Variants in PIK3C2A observed in about 807,000 individuals in gnomAD.
PIK3C2A encodes the protein phosphatidylinositol-4-phosphate 3-kinase catalytic subunit type 2 alpha, also known as phosphatidylinositol 4-phosphate 3-kinase C2 domain-containing subunit alpha.
Under a neutral mutation model 204.5 loss-of-function variants are expected in PIK3C2A, and 97 were observed. The ratio of observed to expected loss-of-function variants is 0.47; its 90% CI spans 0.40 to 0.56. The LOEUF (loss-of-function observed/expected upper bound fraction) is 0.56, where lower values mean the gene tolerates loss of function less well. PIK3C2A is among the 20% of genes least tolerant of loss of function. PIK3C2A has a pLI of 0.00. For synonymous variants in PIK3C2A, 653 were observed against 664.4 expected, an observed-to-expected ratio of 0.98 and a Z score of 0.26; for missense variants, 1,735 against 1,969.2, an observed-to-expected ratio of 0.88 and a Z score of 2.25.
At chr11:17,180,582 G>A (rs997888110) in intron 1 of PIK3C2A, among the ~76,000 whole-genome samples, 2 of 151,964 alleles carry the variant, frequency 1.3e-5, no homozygotes, top group Non-Finnish European at 2.9e-5. Context: ...AGCATTTTGG[G>A]AGACTGAGAC....
At position 17,087,537 on chromosome 11, in the gene PIK3C2A, A is replaced by G. The variant is rs538541926; in HGVS notation, c.*2201T>C. Reference sequence around the variant, plus strand: ...TAATGGAAGTGACAGGACATTTTTTAGCTCTATTATTTGTGCTAAAAGACA... The same window carrying G: ...TAATGGAAGTGACAGGACATTTTTTGGCTCTATTATTTGTGCTAAAAGACA... On this transcript the variant is annotated 3_prime_UTR_variant, in exon 33 of 33. Coordinates refer to ENST00000691414, the MANE Select transcript of PIK3C2A (RefSeq NM_002645.4). 6.6e-6 allele frequency: 1 copy of G among 152,326 alleles called. No individual in the cohort carries two copies. Among genetic ancestry groups the G allele is most frequent in the South Asian group, 2.1e-4 (1 of 4,834 alleles). The allele number at this position is 152,326 out of a possible 1,614,324, so 9.4% of individuals were successfully genotyped here. A position where few individuals can be genotyped will look rare whatever the true frequency, so the allele number is the denominator to read the frequency against.
chr11:17,161,429 C>T (rs1283516666), intron 2 of PIK3C2A, among the ~76,000 whole-genome samples: 2 of 152,076 alleles, frequency 1.3e-5, no homozygotes, highest in Non-Finnish European at 2.9e-5. Context: ...ATACAATTAA[C>T]TTTTAGAAAG....
At chr11:17,095,442 T>C (rs1206227348) in intron 27 of PIK3C2A, among the ~76,000 whole-genome samples, 2 of 141,530 alleles carry the variant, frequency 1.4e-5, no homozygotes, top group African/African-American at 5.3e-5. Context: ...ATACAAAAAA[T>C]GAGCCGGGCG....
intron 1 of PIK3C2A, among the ~76,000 whole-genome samples, chr11:17,201,544 GAAAAAAGAAAAAAAA>G (rs1852384858): frequency 3.2e-5 from 1 of 30,798 alleles, no homozygotes; most frequent in Non-Finnish European, 6.1e-5. Flanking sequence ...AAAAAAAAAA[GAAAAAAGAAAAAAAA>G]AAAGAAAAGC....
intron 2 of PIK3C2A, among the ~76,000 whole-genome samples, chr11:17,167,876 C>A (rs1234589956): frequency 6.6e-6 from 1 of 152,034 alleles, no homozygotes; most frequent in Non-Finnish European, 1.5e-5. Flanking sequence ...CTTTTATCGA[C>A]AAAAGTGTTT....
At chr11:17,095,234 C>T (rs372199238) in intron 27 of PIK3C2A, among the ~76,000 whole-genome samples, 130 of 152,120 alleles carry the variant, frequency 8.5e-4, no homozygotes, top group African/African-American at 3.0e-3. Context: ...TCACTGCACT[C>T]CAGCCAGGGT....
In PIK3C2A at chr11:17,129,332, G is replaced by A. The variant is rs1849623660; in HGVS notation, c.2367C>T (p.Gly789=). 6.2e-7 allele frequency: 1 copy of A among 1,613,808 alleles called. No individual in the cohort carries two copies. Among genetic ancestry groups the A allele is most frequent in the Non-Finnish European group, 8.5e-7 (1 of 1,179,800 alleles). ...NKQRKGPEAL[G]KVSLPLFDFK... is the part of the protein sequence containing the mutation. Reference sequence around the variant, plus strand: ...AGTCAAAAAGAGGTAAAGAAACTTTGCCCAAAGCTTCTGGTCCCTTTCTCT... The same window carrying A: ...AGTCAAAAAGAGGTAAAGAAACTTTACCCAAAGCTTCTGGTCCCTTTCTCT... The change falls in exon 13 of 33, where the codon GGC becomes GGT. Residue 789 remains glycine (G), a synonymous_variant. Coordinates refer to ENST00000691414, the MANE Select transcript of PIK3C2A (RefSeq NM_002645.4).
intron 26 of PIK3C2A, among the ~76,000 whole-genome samples, chr11:17,099,504 C>CCACTG (rs1188909009): frequency 6.6e-6 from 1 of 152,116 alleles, no homozygotes; most frequent in Non-Finnish European, 1.5e-5. Flanking sequence ...TGAGATTGCA[C>CCACTG]CACTGCACTC....
intron 16 of PIK3C2A, 67 bp downstream of exon 16, chr11:17,119,719 T>C: frequency 1.1e-6 from 1 of 930,302 alleles, no homozygotes. Context: ...AAGGAAATAC[T>C]TCTGGCAACA....
In PIK3C2A at chr11:17,122,805, G is replaced by A. The variant is rs937452378; in HGVS notation, c.2408C>T (p.Thr803Ile). 1.5e-6 allele frequency: 2 copies of A among 1,347,154 alleles called. No individual in the cohort carries two copies. The highest frequency in any genetic ancestry group is 2.6e-5 in the South Asian group (2 of 77,926). 83.5% of individuals were successfully genotyped at this position (1,347,154 alleles called of 1,614,324 possible). A position where few individuals can be genotyped will look rare whatever the true frequency, so the allele number is the denominator to read the frequency against. ...LPLFDFKRFL[T>I]CGTKLLYLWT... is the part of the protein sequence containing the mutation. The stretch of plus-strand genomic sequence containing the variant: ...AAGATATAGAAGTTTAGTTCCACAT[G>A]TTAAAAACCTTCACGGATGTAAAAA... The change falls in exon 14 of 33, where the codon ACA becomes ATA. Residue 803 changes from threonine (T) to isoleucine (I), a missense_variant. Physicochemically the swap from Thr to Ile is moderately conservative, Grantham distance 89 (BLOSUM62 -1). This residue lies in a region of PIK3C2A where 567 missense variants were observed against 576.0 expected (regional missense o/e 0.98). Transcript: ENST00000691414.
At chr11:17,152,839 G>C (rs1850464844) in intron 3 of PIK3C2A, among the ~76,000 whole-genome samples, 1 of 152,004 alleles carries the variant, frequency 6.6e-6, no homozygotes, top group South Asian at 2.1e-4. Context: ...GAAGAAAAGA[G>C]ATAAAAATGA....
At chr11:17,207,516 C>T (rs1852627117) in intron 1 of PIK3C2A, among the ~76,000 whole-genome samples, 1 of 151,444 alleles carries the variant, frequency 6.6e-6, no homozygotes, top group Non-Finnish European at 1.5e-5. Flanking sequence ...GGGAGGGGGG[C>T]CGGCGGCCGG....
intron 2 of PIK3C2A, among the ~76,000 whole-genome samples, chr11:17,160,329 CAAA>C (rs1176107245): frequency 1.2e-4 from 19 of 152,090 alleles, no homozygotes; most frequent in Middle Eastern, 3.4e-3. Flanking sequence ...AAAAAGGAGT[CAAA>C]AATCACAGGA....
chr11:17,133,533 G>C (rs569230973), intron 11 of PIK3C2A, among the ~76,000 whole-genome samples: 1 of 152,226 alleles, frequency 6.6e-6, no homozygotes, highest in African/African-American at 2.4e-5. Context: ...ACTTAGGTTT[G>C]ATATTTCTTC....
Position 17,151,022 on chromosome 11 carries a change from T to C in PIK3C2A, c.1170-367A>G, listed in dbSNP as rs374097928. On this transcript the variant is annotated intron_variant, in intron 3 of 32. Transcript: ENST00000691414. ...CTTTTAAATTATTCTATAGGCAATG[T>C]AGTCCTAAAACTATAATGGCCAAAA... Among the ~76,000 whole-genome samples the C allele has an allele frequency of 3.3e-4, 51 of 152,348 alleles. 1 individual carries two copies. The South Asian group carries it at 0.01, about 30-fold the overall frequency.
chr11:17,102,893 T>G, intron 23 of PIK3C2A, 62 bp from the exon 24 acceptor site: 1 of 1,069,822 alleles, frequency 9.3e-7, no homozygotes, highest in East Asian at 2.6e-5. Context: ...GCAGAGTTTA[T>G]AAATAGTAAA....
Position 17,205,067 on chromosome 11 carries a change from C to T in PIK3C2A, c.-66+2781G>A, listed in dbSNP as rs11024191. Among the ~76,000 whole-genome samples the T allele has an allele frequency of 6.0e-3, 904 of 151,902 alleles. 18 individuals are homozygous for T. Among genetic ancestry groups the T allele is most frequent in the African/African-American group, 0.021 (859 of 41,392 alleles). On this transcript the variant is annotated intron_variant, in intron 1 of 32. Coordinates refer to ENST00000691414, the MANE Select transcript of PIK3C2A (RefSeq NM_002645.4). ...TGGTGTGCACCTGTAATCCCAGCTACTTGGGAGGCTGAGGCAGGAGGATTG... is the reference window on the plus strand; with the variant it reads ...TGGTGTGCACCTGTAATCCCAGCTATTTGGGAGGCTGAGGCAGGAGGATTG...
intron 2 of PIK3C2A, among the ~76,000 whole-genome samples, chr11:17,166,447 T>C (rs1276620898): frequency 6.6e-6 from 1 of 152,186 alleles, no homozygotes; most frequent in Non-Finnish European, 1.5e-5. Flanking sequence ...GCATCTGGAA[T>C]GGTAATATCA....
intron 13 of PIK3C2A, among the ~76,000 whole-genome samples, chr11:17,124,827 C>G (rs1177781187): frequency 1.3e-5 from 2 of 152,032 alleles, no homozygotes; most frequent in African/African-American, 2.4e-5. Flanking sequence ...GTTGATGATA[C>G]CAGGCCTTTT....
Sources: gnomAD v4.1 joint callset for allele counts (sites outside exome capture counted in the v4.1 genomes callset) on GRCh38, gnomAD v4.1.1 for gene constraint, gnomAD v4.1.1 regional missense constraint, MANE v1.5 for transcripts, NCBI Gene and HGNC (gene_info 2026-07-23, HGNC 2026-07-21) for gene names.